The following WDFY3 variants were observed in gnomAD, a reference collection of about 807,000 sequenced individuals.
WDFY3 encodes WD repeat and FYVE domain-containing protein 3.
WDFY3 carries 66 observed loss-of-function variants against 409.6 expected under a neutral mutation model. The ratio of observed to expected loss-of-function variants is 0.16; its 90% CI spans 0.13 to 0.20. The LOEUF (loss-of-function observed/expected upper bound fraction) is 0.20. WDFY3 is among the 10% of genes least tolerant of loss of function. The pLI is 1.00. For synonymous variants in WDFY3, 1,521 were observed against 1,537.1 expected, an observed-to-expected ratio of 0.99 and a Z score of 0.25; for missense variants, 3,031 against 4,298.1, an observed-to-expected ratio of 0.71 and a Z score of 8.24.
chr4:84,871,365 A>G (rs1762109588), intron 3 of WDFY3, among the ~76,000 whole-genome samples: 1 of 152,160 alleles, frequency 6.6e-6, no homozygotes, highest in South Asian at 2.1e-4. Flanking sequence ...AAGCCCACCA[A>G]CCTAACATAC....
chr4:84,809,244 T>G (rs1239421666), intron 14 of WDFY3: 1 of 152,296 alleles, frequency 6.6e-6, no homozygotes, highest in Admixed American at 6.5e-5. Context: ...TCACACTATA[T>G]GTAATTGTTT....
intron 32 of WDFY3, among the ~76,000 whole-genome samples, chr4:84,762,384 A>ACG (rs1742798425): frequency 6.7e-6 from 1 of 148,928 alleles, no homozygotes; most frequent in African/African-American, 2.5e-5. Context: ...AACACTGCAT[A>ACG]TTCTCACTCA....
At chr4:84,806,366 G>A (rs555073023) in intron 15 of WDFY3, among the ~76,000 whole-genome samples, 1 of 152,268 alleles carries the variant, frequency 6.6e-6, no homozygotes, top group Admixed American at 6.5e-5. Context: ...GGGACTTTCT[G>A]TCCTTGGGGT....
intron 30 of WDFY3, among the ~76,000 whole-genome samples, chr4:84,768,907 T>C (rs1744154910): frequency 6.6e-6 from 1 of 152,200 alleles, no homozygotes; most frequent in Non-Finnish European, 1.5e-5. Flanking sequence ...TAGACGCCAT[T>C]AAGAATATTC....
chr4:84,680,040 A>G (rs111439957), intron 64 of WDFY3, among the ~76,000 whole-genome samples: 27,680 of 151,546 alleles, frequency 0.18, 4,470 homozygotes, highest in African/African-American at 0.43. Context: ...ACAGGCACCC[A>G]CCACCACACC....
chr4:84,765,877 T>C lies in WDFY3; in HGVS notation c.5121A>G (p.Gly1707=). 6.2e-7 allele frequency: 1 copy of C among 1,613,898 alleles called. No individual in the cohort carries two copies. The highest frequency in any genetic ancestry group is 1.1e-5 in the South Asian group (1 of 91,076). ...GTTCAAGCCATCCTCCACCACTGAG[T>C]CCTTCTTTAAACTTGATGAGAATAG... ...NQSILIKFKE[G]LSGGGWLEQT... is the part of the protein sequence containing the mutation. The change falls in exon 32 of 68, where the codon GGA becomes GGG. Residue 1707 remains glycine, a synonymous_variant. Transcript: ENST00000295888.
At chr4:84,831,185 CAAAAAA>C (rs56810528) in intron 8 of WDFY3, among the ~76,000 whole-genome samples, 40 of 103,322 alleles carry the variant, frequency 3.9e-4, no homozygotes, top group Middle Eastern at 0.011. Flanking sequence ...AGACTCCATC[CAAAAAA>C]AAAAAAAAAA....
intron 51 of WDFY3, among the ~76,000 whole-genome samples, chr4:84,709,862 G>A (rs986106398): frequency 6.6e-6 from 1 of 152,142 alleles, no homozygotes; most frequent in Non-Finnish European, 1.5e-5. Flanking sequence ...GGGTAGCTGG[G>A]ATTACATGCA....
intron 5 of WDFY3, chr4:84,844,529 G>T (rs1757819866): frequency 7.8e-7 from 1 of 1,289,350 alleles, no homozygotes; most frequent in African/African-American, 1.5e-5. Context: ...AAAAAAGGCT[G>T]GGTTGTCTAA....
intron 1 of WDFY3, among the ~76,000 whole-genome samples, chr4:84,941,349 TATAG>T (rs1174522830): frequency 6.6e-6 from 1 of 152,028 alleles, no homozygotes; most frequent in Non-Finnish European, 1.5e-5. Context: ...AACTAAAAGT[TATAG>T]ATAAAGAGAT....
intron 12 of WDFY3, 84 bp downstream of exon 12, chr4:84,820,001 G>C: frequency 8.2e-7 from 1 of 1,215,598 alleles, no homozygotes; most frequent in Non-Finnish European, 1.1e-6. Context: ...AAAGTGACAG[G>C]AAGATTTCAG....
chr4:84,709,980 C>T (rs1398052636), intron 51 of WDFY3, among the ~76,000 whole-genome samples: 1 of 152,172 alleles, frequency 6.6e-6, no homozygotes, highest in Non-Finnish European at 1.5e-5. Context: ...CCTCGGCCTC[C>T]CAAAGTGCTA....
At chr4:84,695,481 G>GAC (rs1377805668) in intron 58 of WDFY3, among the ~76,000 whole-genome samples, 17 of 134,238 alleles carry the variant, frequency 1.3e-4, no homozygotes, top group African/African-American at 3.7e-4. Context: ...GTGTGTGTCA[G>GAC]ACACACACAC....
intron 25 of WDFY3, among the ~76,000 whole-genome samples, chr4:84,782,656 T>G (rs1158824301): frequency 6.6e-6 from 1 of 152,208 alleles, no homozygotes; most frequent in African/African-American, 2.4e-5. Flanking sequence ...TCTGTTCTTG[T>G]GTTAGTTTGC....
At chr4:84,964,755 C>CA (rs1775412204) in intron 1 of WDFY3, among the ~76,000 whole-genome samples, 1 of 152,016 alleles carries the variant, frequency 6.6e-6, no homozygotes, top group Non-Finnish European at 1.5e-5. Context: ...CTCCTGGCCT[C>CA]AAGTGATCCC....
intron 50 of WDFY3, 136 bp from the exon 51 acceptor site, chr4:84,713,375 A>G (rs998921888): frequency 7.3e-6 from 5 of 687,150 alleles, no homozygotes; most frequent in Non-Finnish European, 1.2e-5. Flanking sequence ...GGCAGGCAAA[A>G]GGAATATATA....
chr4:84,814,166 T>C (rs561133111), intron 13 of WDFY3, among the ~76,000 whole-genome samples: 36 of 152,270 alleles, frequency 2.4e-4, no homozygotes, highest in African/African-American at 6.7e-4. Context: ...TTGAAGGCAA[T>C]TGGGAAGAAG....
chr4:84,926,807 A>G (rs1770055361), intron 2 of WDFY3, among the ~76,000 whole-genome samples: 1 of 152,166 alleles, frequency 6.6e-6, no homozygotes, highest in African/African-American at 2.4e-5. Context: ...GCCATAATCA[A>G]TTCAACAGAC....
At chr4:84,796,453 A>C (rs2149592045) in intron 19 of WDFY3, 68 bp downstream of exon 19, 1 of 973,854 alleles carries the variant, frequency 1.0e-6, no homozygotes, top group Admixed American at 3.7e-5. Context: ...TTAAAACCAA[A>C]GATCTATTTG....
Sources: allele counts gnomAD v4.1 joint callset (sites outside exome capture counted in the v4.1 genomes callset), GRCh38; gene constraint gnomAD v4.1.1; transcripts MANE v1.5; gene names NCBI Gene and HGNC (gene_info 2026-07-23, HGNC 2026-07-21).